Variants in FBN2 observed in about 807,000 individuals in gnomAD.
The protein encoded by FBN2 is fibrillin-2.
In FBN2, 105 loss-of-function variants were observed where a neutral mutation model predicts 355.6. That is an observed-to-expected ratio of 0.30 (90% CI 0.25 to 0.35). The LOEUF (loss-of-function observed/expected upper bound fraction) is 0.35. Ranked by LOEUF, FBN2 falls within the 10% of genes least tolerant of loss-of-function variation. The pLI is 1.00. For missense variants in FBN2, 3,280 were observed against 3,758.7 expected (o/e 0.87, Z 3.33); for synonymous variants, 1,350 against 1,301.2 (o/e 1.04, Z -0.81).
At chr5:128,387,303 G>T (rs1019558512) in intron 11 of FBN2, among the ~76,000 whole-genome samples, 1 of 151,940 alleles carries the variant, frequency 6.6e-6, no homozygotes, top group Non-Finnish European at 1.5e-5. Context: ...GGGGTTGTTG[G>T]TAATGTCTCC....
chr5:128,335,705 ATCTT>A lies in FBN2; in HGVS notation c.3725-132_3725-129del, dbSNP rs1229681770. 4 of 1,161,004 alleles carry A rather than the reference ATCTT, an allele frequency of 3.4e-6. No individual in the cohort carries two copies. The Admixed American group carries it at 6.8e-5, about 20-fold the overall frequency. 71.9% of individuals were successfully genotyped at this position (1,161,004 alleles called of 1,614,324 possible). ...CCACTATGTGTGTTGATTGAACATTATCTTTCTTAGTTCTTTCACCTTCATTTTA... is the reference window on the plus strand; with the variant it reads ...CCACTATGTGTGTTGATTGAACATTATCTTAGTTCTTTCACCTTCATTTTA... On this transcript the variant is annotated intron_variant, in intron 28 of 64. Transcript: ENST00000262464.
At chr5:128,307,353 C>T in intron 41 of FBN2, 150 bp from the exon 42 acceptor site, 1 of 657,404 alleles carries the variant, frequency 1.5e-6, no homozygotes. Context: ...GCAATGCCAG[C>T]TTCTGCTAGG....
intron 14 of FBN2, among the ~76,000 whole-genome samples, chr5:128,375,837 AC>A (rs1447162349): frequency 2.0e-5 from 3 of 151,992 alleles, no homozygotes; most frequent in Admixed American, 2.0e-4. Flanking sequence ...TGAGTTTGAG[AC>A]CAGCCTGAGC....
chr5:128,482,529 T>C (rs1755220138), intron 5 of FBN2, among the ~76,000 whole-genome samples: 3 of 152,302 alleles, frequency 2.0e-5, no homozygotes, highest in Admixed American at 2.0e-4. Context: ...GGTGACACAT[T>C]ATTCGCAATA....
Position 128,337,957 on chromosome 5 carries a change from T to C in FBN2, c.3598+40A>G, listed in dbSNP as rs182112935. 7.7e-3 allele frequency: 12,477 copies of C among 1,611,054 alleles called. 79 individuals are homozygous for C. The highest frequency in any genetic ancestry group is 0.013 in the South Asian group (1,161 of 90,902). ...AGAACTGATCCCTGGTCTTTACCAGTTGTGCTGGGCAGGTTTATGTGCTGA... is the reference window on the plus strand; with the variant it reads ...AGAACTGATCCCTGGTCTTTACCAGCTGTGCTGGGCAGGTTTATGTGCTGA... On this transcript the variant is annotated intron_variant, in intron 27 of 64. Coordinates refer to ENST00000262464, the MANE Select transcript of FBN2 (RefSeq NM_001999.4).
At chr5:128,346,665 G>A (rs1038881874) in intron 23 of FBN2, among the ~76,000 whole-genome samples, 2 of 151,798 alleles carry the variant, frequency 1.3e-5, no homozygotes, top group Non-Finnish European at 2.9e-5. Flanking sequence ...CAGGTGTGGC[G>A]TGGTGGCTCA....
chr5:128,348,981 G>A (rs532159302), intron 23 of FBN2, among the ~76,000 whole-genome samples: 1 of 152,226 alleles, frequency 6.6e-6, no homozygotes, highest in South Asian at 2.1e-4. Flanking sequence ...TCTTCAGGGT[G>A]TAGCTGCAAT....
chr5:128,415,292 T>C (rs960500544), intron 7 of FBN2, among the ~76,000 whole-genome samples: 3 of 152,192 alleles, frequency 2.0e-5, no homozygotes, highest in Non-Finnish European at 4.4e-5. Flanking sequence ...TATGAAACAC[T>C]GGAACTTATT....
At chr5:128,330,274 G>A (rs887452196) in intron 33 of FBN2, among the ~76,000 whole-genome samples, 2 of 152,182 alleles carry the variant, frequency 1.3e-5, no homozygotes, top group Non-Finnish European at 2.9e-5. Flanking sequence ...GTCTGATCCA[G>A]ACAAAGCCTG....
intron 15 of FBN2, among the ~76,000 whole-genome samples, chr5:128,369,611 T>C (rs1037784831): frequency 6.6e-6 from 1 of 152,220 alleles, no homozygotes; most frequent in African/African-American, 2.4e-5. Context: ...TACAAACCTT[T>C]TGTGAAACCT....
chr5:128,436,325 TA>T (rs1190382866), intron 7 of FBN2, among the ~76,000 whole-genome samples: 3 of 152,204 alleles, frequency 2.0e-5, no homozygotes, highest in African/African-American at 7.2e-5. Context: ...CATGGGCTTC[TA>T]AAAATCAGAC....
Position 128,364,723 on chromosome 5 carries a change from T to C in FBN2, c.2305A>G (p.Ile769Val). ...TCAGGATCCAAAGCACATTCATTGA[T>C]ATCTGCATTAAATATTGAAAGTTTA... ...GVGITVDGRD[I>V]NECALDPDIC... The change falls in exon 18 of 65, where the codon ATC becomes GTC. Residue 769 changes from isoleucine to valine, a missense_variant and splice_region_variant. Ile to Val is a conservative substitution (Grantham distance 29). Transcript: ENST00000262464. 6.2e-7 allele frequency: 1 copy of C among 1,612,096 alleles called. No homozygotes were observed. Among genetic ancestry groups the C allele is most frequent in the Middle Eastern group, 1.7e-4 (1 of 6,056 alleles).
intron 5 of FBN2, among the ~76,000 whole-genome samples, chr5:128,470,154 G>A (rs1177014981): frequency 2.0e-5 from 3 of 152,220 alleles, no homozygotes; most frequent in Admixed American, 1.3e-4. Flanking sequence ...AGAGATGGGA[G>A]AGCAACAGGA....
intron 4 of FBN2, among the ~76,000 whole-genome samples, chr5:128,525,262 T>C (rs1019772811): frequency 5.3e-5 from 8 of 152,176 alleles, no homozygotes; most frequent in African/African-American, 1.9e-4. Flanking sequence ...TCAACAAGGA[T>C]AGATGTGTCT....
chr5:128,288,657 G>T, intron 52 of FBN2, 100 bp from the exon 53 acceptor site: 1 of 1,361,108 alleles, frequency 7.3e-7, no homozygotes, highest in Non-Finnish European at 1.0e-6. Flanking sequence ...TCCAGGATCT[G>T]AGAAGGGCAC....
chr5:128,439,158 T>C (rs1180218166), intron 7 of FBN2, among the ~76,000 whole-genome samples: 1 of 152,206 alleles, frequency 6.6e-6, no homozygotes, highest in Non-Finnish European at 1.5e-5. Flanking sequence ...TATATAGGTC[T>C]ATGATATTTT....
At chr5:128,407,631 T>C (rs528198983) in intron 8 of FBN2, among the ~76,000 whole-genome samples, 1 of 152,350 alleles carries the variant, frequency 6.6e-6, no homozygotes, top group Admixed American at 6.5e-5. Flanking sequence ...TATGGCATTC[T>C]GAAGGCAGGA....
chr5:128,478,371 G>A (rs1428760885), intron 5 of FBN2, among the ~76,000 whole-genome samples: 1 of 152,178 alleles, frequency 6.6e-6, no homozygotes, highest in African/African-American at 2.4e-5. Context: ...CACCCTAGAT[G>A]AGGCATGTAT....
intron 49 of FBN2, 95 bp from the exon 50 acceptor site, chr5:128,290,979 C>T (rs2126821492): frequency 1.7e-6 from 2 of 1,208,146 alleles, no homozygotes; most frequent in South Asian, 2.5e-5. Flanking sequence ...CAGACTAGAT[C>T]AGCAGTTAAG....
Sources: allele counts gnomAD v4.1 joint callset (sites outside exome capture counted in the v4.1 genomes callset), GRCh38; gene constraint gnomAD v4.1.1; transcripts MANE v1.5; gene names NCBI Gene and HGNC (gene_info 2026-07-23, HGNC 2026-07-21).